Variants in ROR2 observed in about 807,000 individuals in gnomAD.
ROR2 encodes tyrosine-protein kinase transmembrane receptor ROR2.
ROR2 carries 33 observed loss-of-function variants against 74.9 expected under a neutral mutation model. The observed-to-expected ratio is 0.44, with a 90% CI of 0.33 to 0.59. The LOEUF (loss-of-function observed/expected upper bound fraction) is 0.59, where lower values mean the gene tolerates loss of function less well. ROR2 is among the 20% of genes least tolerant of loss of function. The pLI, the probability that ROR2 is intolerant of heterozygous loss-of-function variation, is 0.02. For missense variants in ROR2, 1,216 were observed against 1,313.8 expected (o/e 0.93, Z 1.15); for synonymous variants, 586 against 558.7 (o/e 1.05, Z -0.69).
At chr9:91,919,889 C>T (rs937023232) in intron 1 of ROR2, among the ~76,000 whole-genome samples, 2 of 152,148 alleles carry the variant, frequency 1.3e-5, no homozygotes, top group Non-Finnish European at 1.5e-5. Context: ...AACCAACAAC[C>T]GGTACCAGCA....
chr9:91,843,554 A>G (rs1355634434), intron 1 of ROR2, among the ~76,000 whole-genome samples: 1 of 152,244 alleles, frequency 6.6e-6, no homozygotes, highest in Non-Finnish European at 1.5e-5. Flanking sequence ...CTGCTTTGTA[A>G]GGAGAAAATG....
chr9:91,942,520 G>A (rs531971605), intron 1 of ROR2, among the ~76,000 whole-genome samples: 66 of 151,970 alleles, frequency 4.3e-4, no homozygotes, highest in African/African-American at 1.6e-3. Context: ...TTCCCAACTC[G>A]CCTCCCATTT....
chr9:91,763,794 T>C (rs979416335), intron 2 of ROR2, among the ~76,000 whole-genome samples: 9 of 152,262 alleles, frequency 5.9e-5, no homozygotes, highest in Admixed American at 3.3e-4. Context: ...ATATATCTTA[T>C]GACATTTTTC....
chr9:91,940,906 T>G (rs1461678760), intron 1 of ROR2, among the ~76,000 whole-genome samples: 2 of 151,876 alleles, frequency 1.3e-5, no homozygotes, highest in Non-Finnish European at 2.9e-5. Flanking sequence ...CGCCGGGCCT[T>G]GAGTCTTTCT....
intron 1 of ROR2, among the ~76,000 whole-genome samples, chr9:91,864,063 A>C (rs1184461634): frequency 6.6e-6 from 1 of 152,214 alleles, no homozygotes; most frequent in Admixed American, 6.5e-5. Context: ...GAAAAGATGC[A>C]GGCGGGCTTA....
Position 91,763,650 on chromosome 9 carries a change from A to G in ROR2, c.176-6091T>C, listed in dbSNP as rs147139004. Among the ~76,000 whole-genome samples the G allele has an allele frequency of 1.2e-4, 18 of 152,132 alleles. No homozygotes were observed. The East Asian group carries it at 3.1e-3, about 26-fold the overall frequency. On this transcript the variant is annotated intron_variant, in intron 2 of 8. Transcript: ENST00000375708. ...TCTCTCTATTCTGATGCTTTTTCCAACTTCTGTAGTTAATTCATTTTATAT... is the reference window on the plus strand; with the variant it reads ...TCTCTCTATTCTGATGCTTTTTCCAGCTTCTGTAGTTAATTCATTTTATAT...
chr9:91,844,763 A>G (rs973831047), intron 1 of ROR2, among the ~76,000 whole-genome samples: 3 of 152,146 alleles, frequency 2.0e-5, no homozygotes, highest in Non-Finnish European at 2.9e-5. Context: ...CAGAAGCTGA[A>G]TAAGTTCACG....
At chr9:91,739,974 T>C (rs150913285) in intron 4 of ROR2, among the ~76,000 whole-genome samples, 6 of 152,316 alleles carry the variant, frequency 3.9e-5, no homozygotes, top group African/African-American at 1.2e-4. Flanking sequence ...AAGACATGCC[T>C]GATCAGATTA....
At chr9:91,855,712 A>T (rs1829259793) in intron 1 of ROR2, among the ~76,000 whole-genome samples, 1 of 152,038 alleles carries the variant, frequency 6.6e-6, no homozygotes, top group Non-Finnish European at 1.5e-5. Context: ...GGTGGCATGG[A>T]TGAGGGGAAT....
chr9:91,902,465 C>G (rs937646809), intron 1 of ROR2, among the ~76,000 whole-genome samples: 1 of 152,052 alleles, frequency 6.6e-6, no homozygotes, highest in African/African-American at 2.4e-5. Context: ...CTACTGAAAA[C>G]AGATCTCAAA....
At chr9:91,826,309 CCA>C (rs1828289147) in intron 1 of ROR2, among the ~76,000 whole-genome samples, 1 of 152,146 alleles carries the variant, frequency 6.6e-6, no homozygotes, top group South Asian at 2.1e-4. Context: ...AGGTATATCT[CCA>C]CACATACTCC....
At chr9:91,758,057 A>G (rs1825816061) in intron 2 of ROR2, among the ~76,000 whole-genome samples, 1 of 152,152 alleles carries the variant, frequency 6.6e-6, no homozygotes, top group African/African-American at 2.4e-5. Flanking sequence ...CACCAACAAA[A>G]AGCCCAAATA....
chr9:91,912,080 G>C (rs1022573230), intron 1 of ROR2, among the ~76,000 whole-genome samples: 22 of 152,106 alleles, frequency 1.4e-4, no homozygotes, highest in Non-Finnish European at 2.8e-4. Flanking sequence ...AGAAAAACAG[G>C]TGAACTAAAT....
chr9:91,850,427 G>A (rs1333196702), intron 1 of ROR2, among the ~76,000 whole-genome samples: 1 of 152,130 alleles, frequency 6.6e-6, no homozygotes, highest in Non-Finnish European at 1.5e-5. Flanking sequence ...GGACAATCAG[G>A]TGGGCCCAAA....
intron 1 of ROR2, among the ~76,000 whole-genome samples, chr9:91,902,410 C>G (rs755576092): frequency 3.3e-5 from 5 of 152,096 alleles, no homozygotes; most frequent in Non-Finnish European, 7.4e-5. Context: ...CAAGCCCACC[C>G]TGCTTGTACC....
intron 1 of ROR2, among the ~76,000 whole-genome samples, chr9:91,892,496 T>C (rs1484438891): frequency 6.6e-6 from 1 of 151,964 alleles, no homozygotes; most frequent in Non-Finnish European, 1.5e-5. Flanking sequence ...TTAAACTATA[T>C]AAAGAGCTTA....
At chr9:91,735,605 ACTTTTTTTT>A (rs1824990284) in intron 5 of ROR2, among the ~76,000 whole-genome samples, 11 of 101,862 alleles carry the variant, frequency 1.1e-4, no homozygotes, top group Admixed American at 4.1e-4. Flanking sequence ...AAGGGCTCTA[ACTTTTTTTT>A]TTTTTTTTTT....
At chr9:91,872,069 T>C (rs1027404950) in intron 1 of ROR2, among the ~76,000 whole-genome samples, 16 of 152,228 alleles carry the variant, frequency 1.1e-4, no homozygotes, top group African/African-American at 3.9e-4. Context: ...TAGTGTTTTG[T>C]TACACAGCAA....
intron 1 of ROR2, among the ~76,000 whole-genome samples, chr9:91,942,116 G>T (rs1013318824): frequency 3.9e-5 from 6 of 152,074 alleles, no homozygotes; most frequent in Non-Finnish European, 7.4e-5. Flanking sequence ...GCTGGACCTG[G>T]CCTGCCCTGT....
Sources: gnomAD v4.1 joint callset for allele counts (sites outside exome capture counted in the v4.1 genomes callset) on GRCh38, gnomAD v4.1.1 for gene constraint, MANE v1.5 for transcripts, NCBI Gene and HGNC (gene_info 2026-07-23, HGNC 2026-07-21) for gene names.